The following TRDN variants were observed in gnomAD, a reference collection of about 807,000 sequenced individuals.
TRDN encodes the protein triadin, also known as triadin in skeletal muscle.
Under a neutral mutation model 149.7 loss-of-function variants are expected in TRDN, and 161 were observed. That is an observed-to-expected ratio of 1.08 (90% CI 0.95 to 1.23). The LOEUF (loss-of-function observed/expected upper bound fraction) is 1.23, where lower values mean the gene tolerates loss of function less well. Ranked by LOEUF, TRDN falls within the 50% of genes most tolerant of loss-of-function variation. The pLI, the probability that TRDN is intolerant of heterozygous loss-of-function variation, is 0.00. For missense variants in TRDN, 896 were observed against 823.5 expected (o/e 1.09, Z -1.08); for synonymous variants, 294 against 250.5 (o/e 1.17, Z -1.64).
At chr6:123,517,759 C>A (rs1779482359) in intron 5 of TRDN, among the ~76,000 whole-genome samples, 1 of 151,926 alleles carries the variant, frequency 6.6e-6, no homozygotes, top group Non-Finnish European at 1.5e-5. Flanking sequence ...TTTCCCTATT[C>A]CATGCACTCT....
intron 1 of TRDN, among the ~76,000 whole-genome samples, chr6:123,605,597 C>CAA (rs35881822): frequency 8.1e-5 from 10 of 124,000 alleles, no homozygotes; most frequent in Admixed American, 1.7e-4. Context: ...ACCCTCTCTA[C>CAA]AAAAAAAAAA....
chr6:123,359,727 G>A (rs1200115974), intron 20 of TRDN, among the ~76,000 whole-genome samples: 1 of 152,094 alleles, frequency 6.6e-6, no homozygotes, highest in African/African-American at 2.4e-5. Flanking sequence ...ACAGAGCCTC[G>A]CTCTGTCGCC....
chr6:123,241,690 A>G (rs890163563), intron 38 of TRDN, among the ~76,000 whole-genome samples: 8 of 152,076 alleles, frequency 5.3e-5, no homozygotes, highest in Admixed American at 6.6e-5. Flanking sequence ...AAACTTCATT[A>G]TAAAGTAGTA....
Position 123,265,329 on chromosome 6 carries a change from T to C in TRDN, c.1793A>G (p.Lys598Arg). 1 of 1,429,874 alleles carries C rather than the reference T, an allele frequency of 7.0e-7. No homozygotes were observed. The highest frequency in any genetic ancestry group is 9.4e-7 in the Non-Finnish European group (1 of 1,067,918). 88.6% of individuals were successfully genotyped at this position (1,429,874 alleles called of 1,614,324 possible). Residue 598 changes from lysine to arginine, a missense_variant, in exon 33 of 41, where the codon AAA becomes AGA. By Grantham distance (26) the Lys-to-Arg change is conservative (BLOSUM62 2). Coordinates refer to ENST00000334268, the MANE Select transcript of TRDN (RefSeq NM_006073.4). ...EPPSIKTDKP[K>R]PTPKGTSEVT... ...AATGGTACACTTACTTGGAGTTGGT[T>C]TTGGTTTGTCTAAAAAGGAAAAAAG...
At chr6:123,438,552 A>G (rs1774710749) in intron 11 of TRDN, among the ~76,000 whole-genome samples, 1 of 152,116 alleles carries the variant, frequency 6.6e-6, no homozygotes, top group African/African-American at 2.4e-5. Flanking sequence ...TAAAATATAT[A>G]TATATGTGTA....
In TRDN at chr6:123,474,253, C is replaced by T. The variant is rs574250886; in HGVS notation, c.854-9270G>A. On this transcript the variant is annotated intron_variant, in intron 9 of 40. Transcript: ENST00000334268. ...AAATAAAAGGATGGAGGAAGATCTACCAAGCAAATGGAAAACAAAAAAAGG... is the reference window on the plus strand; with the variant it reads ...AAATAAAAGGATGGAGGAAGATCTATCAAGCAAATGGAAAACAAAAAAAGG... Among the ~76,000 whole-genome samples the T allele has an allele frequency of 2.6e-5, 4 of 151,840 alleles. No homozygotes were observed. In the East Asian group the frequency reaches 7.8e-4, roughly 29 times the overall value.
At chr6:123,448,358 G>T (rs911408592) in intron 10 of TRDN, among the ~76,000 whole-genome samples, 1 of 152,056 alleles carries the variant, frequency 6.6e-6, no homozygotes, top group Non-Finnish European at 1.5e-5. Flanking sequence ...AGCCCATCTC[G>T]CCCTCCACCT....
At chr6:123,365,560 A>G (rs1409648621) in intron 20 of TRDN, among the ~76,000 whole-genome samples, 1 of 152,086 alleles carries the variant, frequency 6.6e-6, no homozygotes, top group Non-Finnish European at 1.5e-5. Flanking sequence ...GTATGTGTGC[A>G]GGTTTGCGTG....
At chr6:123,229,621 C>G (rs1303364982) in intron 38 of TRDN, among the ~76,000 whole-genome samples, 2 of 151,886 alleles carry the variant, frequency 1.3e-5, no homozygotes, top group Admixed American at 1.3e-4. Context: ...GGTGTTAAGT[C>G]TTCATCTCTT....
chr6:123,233,197 G>A (rs183696743), intron 38 of TRDN, among the ~76,000 whole-genome samples: 1 of 152,100 alleles, frequency 6.6e-6, no homozygotes, highest in African/African-American at 2.4e-5. Context: ...ATTTTCCTAA[G>A]AAATCTTAAA....
chr6:123,304,058 C>G (rs758890099), intron 24 of TRDN, among the ~76,000 whole-genome samples: 3 of 151,798 alleles, frequency 2.0e-5, no homozygotes, highest in Non-Finnish European at 4.4e-5. Context: ...GCCAATGTAA[C>G]TGAATGGCAA....
At chr6:123,391,331 TA>T (rs1782106296) in intron 13 of TRDN, among the ~76,000 whole-genome samples, 1 of 152,122 alleles carries the variant, frequency 6.6e-6, no homozygotes, top group South Asian at 2.1e-4. Context: ...TACCATCTCC[TA>T]ATTACCCAGT....
At chr6:123,508,775 T>C (rs1228107510) in intron 7 of TRDN, among the ~76,000 whole-genome samples, 1 of 152,158 alleles carries the variant, frequency 6.6e-6, no homozygotes, top group Non-Finnish European at 1.5e-5. Flanking sequence ...AAACATGCTG[T>C]GTTCTATGCA....
chr6:123,261,946 A>G (rs1177752749), intron 33 of TRDN, among the ~76,000 whole-genome samples: 1 of 151,902 alleles, frequency 6.6e-6, no homozygotes, highest in Non-Finnish European at 1.5e-5. Flanking sequence ...TTATTAACGA[A>G]TCTGTCATGT....
At chr6:123,605,779 C>T (rs1019414762) in intron 1 of TRDN, among the ~76,000 whole-genome samples, 20 of 151,972 alleles carry the variant, frequency 1.3e-4, no homozygotes, top group African/African-American at 4.3e-4. Context: ...AAAACAAAAG[C>T]TTTTTAATAA....
In TRDN at chr6:123,331,949, A is replaced by G. The variant is rs1018226745; in HGVS notation, c.1421-20T>C. 7 of 1,525,130 alleles carry G rather than the reference A, an allele frequency of 4.6e-6. No individual in the cohort carries two copies. In the African/African-American group the frequency reaches 8.3e-5, roughly 18 times the overall value. 94.5% of individuals were successfully genotyped at this position (1,525,130 alleles called of 1,614,324 possible). A position where few individuals can be genotyped will look rare whatever the true frequency, so the allele number is the denominator to read the frequency against. On this transcript the variant is annotated intron_variant, in intron 22 of 40. Coordinates refer to ENST00000334268, the MANE Select transcript of TRDN (RefSeq NM_006073.4). ...TAGGTTCTGAAAAGAAACATCGGAC[A>G]TTTATTTGAAGCCAAGACAAAGAGA...
In TRDN at chr6:123,592,452, A is replaced by G. The variant is rs749540523; in HGVS notation, c.23-21320T>C. The stretch of plus-strand genomic sequence containing the variant: ...GGGGACTCAACCTTGTATTACTGCT[A>G]GAGACAGGCAGGACGTCACTTTCCT... On this transcript the variant is annotated intron_variant, in intron 1 of 40. Transcript: ENST00000334268. Among the ~76,000 whole-genome samples, 67 of 152,308 alleles carry G rather than the reference A, an allele frequency of 4.4e-4. No individual in the cohort carries two copies. The South Asian group carries it at 5.4e-3, about 12-fold the overall frequency.
intron 9 of TRDN, among the ~76,000 whole-genome samples, chr6:123,490,869 C>T (rs1039409802): frequency 1.3e-5 from 2 of 152,124 alleles, no homozygotes; most frequent in African/African-American, 4.8e-5. Flanking sequence ...CTTTGAGAGG[C>T]CGAGGTGGGC....
intron 12 of TRDN, among the ~76,000 whole-genome samples, chr6:123,422,402 T>TA (rs1773944005): frequency 6.6e-6 from 1 of 152,138 alleles, no homozygotes; most frequent in South Asian, 2.1e-4. Flanking sequence ...ATAGAGTTTT[T>TA]ATCCAAAACT....
Sources: allele counts gnomAD v4.1 joint callset (sites outside exome capture counted in the v4.1 genomes callset), GRCh38; gene constraint gnomAD v4.1.1; transcripts MANE v1.5; gene names NCBI Gene and HGNC (gene_info 2026-07-23, HGNC 2026-07-21).